The following NR2F1 variants were observed in gnomAD, a reference collection of about 807,000 sequenced individuals.
NR2F1 encodes the protein COUP transcription factor 1.
Under a neutral mutation model 37.7 loss-of-function variants are expected in NR2F1, and 1 was observed. The ratio of observed to expected loss-of-function variants is 0.03; its 90% CI spans 0.01 to 0.13. NR2F1 has a LOEUF of 0.13. Ranked by LOEUF, NR2F1 falls within the 10% of genes least tolerant of loss-of-function variation. NR2F1 has a pLI of 1.00. For synonymous variants in NR2F1, 275 were observed against 259.6 expected (o/e 1.06, Z -0.57); for missense variants, 268 against 578.4 (o/e 0.46, Z 5.50).
chr5:93,591,056 A>G (rs1227792458), intron 2 of NR2F1, among the ~76,000 whole-genome samples: 2 of 152,230 alleles, frequency 1.3e-5, no homozygotes, highest in African/African-American at 2.4e-5. Context: ...TTTCCTGAAC[A>G]CTAAACTCTT....
Position 93,593,978 on chromosome 5 carries a change from C to A in NR2F1, c.*136C>A, listed in dbSNP as rs577570045. On this transcript the variant is annotated 3_prime_UTR_variant, in exon 3 of 3. Transcript: ENST00000327111. The surrounding 1 kb of genome is among the most constrained non-coding windows in gnomAD (Gnocchi z 5.6). ...TGGGTGGGAGGGAGGAGGGCCGAGA[C>A]AGGAGCAGCCCACCCAGCAGAAATA... 2.1e-4 allele frequency: 149 copies of A among 712,464 alleles called. No individual in the cohort carries two copies. The African/African-American group carries it at 2.4e-3, about 12-fold the overall frequency. The allele number at this position is 712,464 out of a possible 1,614,324, so 44.1% of individuals were successfully genotyped here.
In NR2F1 at chr5:93,594,523, T is replaced by C. The variant is rs147359177; in HGVS notation, c.*681T>C. The C allele has an allele frequency of 2.4e-4, 36 of 152,344 alleles. No homozygotes were observed. The highest frequency in any genetic ancestry group is 8.4e-4 in the African/African-American group (35 of 41,574). The allele number at this position is 152,344 out of a possible 1,614,324, so 9.4% of individuals were successfully genotyped here. ...TTTTGATATAACCCTTTGCTTCTTA[T>C]AATGAGTGCGATATATGTTGTCGAG... On this transcript the variant is annotated 3_prime_UTR_variant, in exon 3 of 3. Transcript: ENST00000327111.
intron 2 of NR2F1, among the ~76,000 whole-genome samples, chr5:93,589,205 A>C (rs1753289866): frequency 6.6e-6 from 1 of 152,202 alleles, no homozygotes; most frequent in South Asian, 2.1e-4. Flanking sequence ...AAAACACATG[A>C]ACACTGGAAA....
intron 2 of NR2F1, among the ~76,000 whole-genome samples, chr5:93,588,835 G>T (rs1326433469): frequency 6.6e-6 from 1 of 151,972 alleles, no homozygotes; most frequent in Non-Finnish European, 1.5e-5. Context: ...GTCTGTGTGT[G>T]GTGCGTGTTA....
chr5:93,592,781 C>T (rs1368615683), intron 2 of NR2F1, among the ~76,000 whole-genome samples: 2 of 150,296 alleles, frequency 1.3e-5, no homozygotes, highest in Non-Finnish European at 2.9e-5. Flanking sequence ...GTAACTGAGT[C>T]ATATTCTTCC....
chr5:93,594,048 C>G lies in NR2F1; in HGVS notation c.*206C>G, dbSNP rs1753381959. ...TGGGAAAAAGAGACTCTTTTAGGAT[C>G]AGATCTGTGAGCACGTTGGCGAGGA... is the stretch of plus-strand genomic sequence containing the variant. On this transcript the variant is annotated 3_prime_UTR_variant, in exon 3 of 3. Transcript: ENST00000327111. 3 of 510,466 alleles carry G rather than the reference C, an allele frequency of 5.9e-6. No homozygotes were observed. Among genetic ancestry groups the G allele is most frequent in the African/African-American group, 3.9e-5 (2 of 51,266 alleles). The allele number at this position is 510,466 out of a possible 1,614,324, so 31.6% of individuals were successfully genotyped here. A position where few individuals can be genotyped will look rare whatever the true frequency, so the allele number is the denominator to read the frequency against.
chr5:93,587,902 C>T lies in NR2F1; in HGVS notation c.464-15C>T, dbSNP rs758609755. 1 of 1,547,572 alleles carries T rather than the reference C, an allele frequency of 6.5e-7. No individual in the cohort carries two copies. The highest frequency in any genetic ancestry group is 2.3e-5 in the East Asian group (1 of 44,118). Reference sequence around the variant, plus strand: ...TGGATGCACATTGCCTCTTTTCTCTCTTTCTTTTTGTCAGCGGTTCAGCGA... The same window carrying T: ...TGGATGCACATTGCCTCTTTTCTCTTTTTCTTTTTGTCAGCGGTTCAGCGA... On this transcript the variant is annotated splice_polypyrimidine_tract_variant and intron_variant, in intron 1 of 2. Coordinates refer to ENST00000327111, the MANE Select transcript of NR2F1 (RefSeq NM_005654.6).
In NR2F1 at chr5:93,594,380, G is replaced by A. The variant is rs1753387418; in HGVS notation, c.*538G>A. The A allele has an allele frequency of 6.6e-6, 1 of 152,244 alleles. No individual in the cohort carries two copies. The highest frequency in any genetic ancestry group is 1.5e-5 in the Non-Finnish European group (1 of 68,132). The allele number at this position is 152,244 out of a possible 1,614,324, so 9.4% of individuals were successfully genotyped here. A position where few individuals can be genotyped will look rare whatever the true frequency, so the allele number is the denominator to read the frequency against. ...ATAAAGAAAAAGGAAACAAGAATTAGGGGAAAATAACATTTTCCAAATAAT... is the reference window on the plus strand; with the variant it reads ...ATAAAGAAAAAGGAAACAAGAATTAAGGGAAAATAACATTTTCCAAATAAT... On this transcript the variant is annotated 3_prime_UTR_variant, in exon 3 of 3. Coordinates refer to ENST00000327111, the MANE Select transcript of NR2F1 (RefSeq NM_005654.6).
rs1753156036 is a variant in NR2F1 at position 93,583,259 on chromosome 5, T to C, written c.-1765T>C. ...CTGCGAGTCCTCCCGTTTAAACGCA[T>C]TCAATTTTTGGGTCTCTCTCTCTCT... On this transcript the variant is annotated 5_prime_UTR_variant, in exon 1 of 3. Transcript: ENST00000327111. The C allele has an allele frequency of 6.6e-6, 1 of 150,486 alleles. No homozygotes were observed. Among genetic ancestry groups the C allele is most frequent in the Non-Finnish European group, 1.5e-5 (1 of 67,746 alleles). 9.3% of individuals were successfully genotyped at this position (150,486 alleles called of 1,614,324 possible). A position where few individuals can be genotyped will look rare whatever the true frequency, so the allele number is the denominator to read the frequency against.
intron 2 of NR2F1, 104 bp downstream of exon 2, chr5:93,588,548 C>G: frequency 1.3e-6 from 1 of 753,290 alleles, no homozygotes; most frequent in Non-Finnish European, 1.6e-6. Flanking sequence ...CGGTGCGGGG[C>G]GGGCCGGGCC....
chr5:93,588,750 G>T (rs1479403203), intron 2 of NR2F1, among the ~76,000 whole-genome samples: 6 of 151,570 alleles, frequency 4.0e-5, no homozygotes, highest in Admixed American at 6.6e-5. Context: ...CTGAGGCGGG[G>T]GGGCGGTGCT....
chr5:93,593,413 G>A lies in NR2F1; in HGVS notation c.992-149G>A, dbSNP rs920266189. The A allele has an allele frequency of 2.6e-6, 2 of 757,724 alleles. No homozygotes were observed. The highest frequency in any genetic ancestry group is 3.5e-5 in the African/African-American group (2 of 57,438). 46.9% of individuals were successfully genotyped at this position (757,724 alleles called of 1,614,324 possible). On this transcript the variant is annotated intron_variant, in intron 2 of 2. Transcript: ENST00000327111. This position sits in a 1 kb window ranked among gnomAD's most constrained non-coding sequence, Gnocchi z 5.6. ...TGAAGAAGGGGATGGAGAGGTATAG[G>A]AGGGTGAATTTTTCTTTTCTCTTTT...
intron 2 of NR2F1, among the ~76,000 whole-genome samples, chr5:93,589,906 T>C (rs1753302442): frequency 6.6e-6 from 1 of 152,234 alleles, no homozygotes; most frequent in African/African-American, 2.4e-5. Flanking sequence ...TGCCCCCCTT[T>C]TACTTTCAGT....
In NR2F1 at chr5:93,594,496, A is replaced by C. The variant is rs1242965204; in HGVS notation, c.*654A>C. The C allele has an allele frequency of 6.6e-6, 1 of 152,084 alleles. No individual in the cohort carries two copies. Among genetic ancestry groups the C allele is most frequent in the Non-Finnish European group, 1.5e-5 (1 of 68,016 alleles). The allele number at this position is 152,084 out of a possible 1,614,324, so 9.4% of individuals were successfully genotyped here. A position where few individuals can be genotyped will look rare whatever the true frequency, so the allele number is the denominator to read the frequency against. ...GATTTCCTGTGATTCTATACTAATAATTTTTGATATAACCCTTTGCTTCTT... is the reference window on the plus strand; with the variant it reads ...GATTTCCTGTGATTCTATACTAATACTTTTTGATATAACCCTTTGCTTCTT... On this transcript the variant is annotated 3_prime_UTR_variant, in exon 3 of 3. Coordinates refer to ENST00000327111, the MANE Select transcript of NR2F1 (RefSeq NM_005654.6).
chr5:93,587,810 G>A (rs1753258263), intron 1 of NR2F1, 107 bp from the exon 2 acceptor site: 2 of 1,213,126 alleles, frequency 1.6e-6, no homozygotes, highest in Non-Finnish European at 2.3e-6. Flanking sequence ...CGGGGCGCGT[G>A]TGGCTGCGGG....
intron 1 of NR2F1, among the ~76,000 whole-genome samples, chr5:93,586,942 TG>T (rs1240754436): frequency 6.6e-6 from 1 of 152,032 alleles, no homozygotes; most frequent in Middle Eastern, 3.2e-3. Context: ...ATTAATTTGT[TG>T]GGGGAAGAGT....
At chr5:93,591,147 A>G (rs1219041608) in intron 2 of NR2F1, among the ~76,000 whole-genome samples, 1 of 152,282 alleles carries the variant, frequency 6.6e-6, no homozygotes, top group Non-Finnish European at 1.5e-5. Flanking sequence ...TTATTTATTT[A>G]CATAATTTCT....
At position 93,588,134 on chromosome 5, in the gene NR2F1, C is replaced by T. The variant is rs751683829; in HGVS notation, c.681C>T (p.Leu227=). The T allele has an allele frequency of 3.1e-6, 5 of 1,614,018 alleles. No individual in the cohort carries two copies. The East Asian group carries it at 1.1e-4, about 36-fold the overall frequency. ...TCTGCGAGCTGGCCGCGCGCCTGCT[C>T]TTCAGCGCCGTCGAGTGGGCCCGCA... ...ENICELAARL[L]FSAVEWARNI... Residue 227 remains leucine, a synonymous_variant, in exon 2 of 3, where the codon CTC becomes CTT. Coordinates refer to ENST00000327111, the MANE Select transcript of NR2F1 (RefSeq NM_005654.6).
intron 1 of NR2F1, 147 bp from the exon 2 acceptor site, chr5:93,587,770 G>T: frequency 1.3e-6 from 1 of 792,922 alleles, no homozygotes; most frequent in Non-Finnish European, 2.0e-6. Flanking sequence ...CTAGCGGTGT[G>T]GACTGTGAGA....
Sources: gnomAD v4.1 joint callset for allele counts (sites outside exome capture counted in the v4.1 genomes callset) on GRCh38, gnomAD v4.1.1 for gene constraint, Gnocchi (gnomAD v3.1) non-coding constraint, MANE v1.5 for transcripts, NCBI Gene and HGNC (gene_info 2026-07-23, HGNC 2026-07-21) for gene names.